Variants in GRIA4 observed in about 807,000 individuals in gnomAD.
The protein encoded by GRIA4 is glutamate receptor 4.
In GRIA4, 34 loss-of-function variants were observed where a neutral mutation model predicts 104.0. The observed-to-expected ratio is 0.33, with a 90% CI of 0.25 to 0.44. The LOEUF is 0.44. GRIA4 is among the 20% of genes least tolerant of loss of function. The pLI, the probability that GRIA4 is intolerant of heterozygous loss-of-function variation, is 1.00. For synonymous variants in GRIA4, 386 were observed against 381.9 expected (o/e 1.01, Z -0.13); for missense variants, 750 against 1,096.5 (o/e 0.68, Z 4.46).
At chr11:105,748,048 C>A (rs2135678054) in intron 3 of GRIA4, among the ~76,000 whole-genome samples, 1 of 152,318 alleles carries the variant, frequency 6.6e-6, no homozygotes, top group South Asian at 2.1e-4. Flanking sequence ...GTTATTATTG[C>A]ATAACAAACC....
chr11:105,800,296 A>G lies in GRIA4; in HGVS notation c.487+47076A>G, dbSNP rs1235884065. Among the ~76,000 whole-genome samples, 3 of 152,128 alleles carry G rather than the reference A, an allele frequency of 2.0e-5. No individual in the cohort carries two copies. The East Asian group carries it at 5.8e-4, about 29-fold the overall frequency. On this transcript the variant is annotated intron_variant, in intron 4 of 16. Coordinates refer to ENST00000282499, the MANE Select transcript of GRIA4 (RefSeq NM_000829.4). ...GAAATCAAGAGAAATGACAAAGAGG[A>G]AGTTACACATAGCTTATGTAAATAT...
intron 13 of GRIA4, 67 bp downstream of exon 13, chr11:105,927,006 A>C: frequency 1.0e-6 from 1 of 991,802 alleles, no homozygotes; most frequent in Non-Finnish European, 1.6e-6. Context: ...TTTTCCAACA[A>C]TTATACCATG....
At position 105,739,575 on chromosome 11, in the gene GRIA4, C is replaced by A. The variant is rs528208050; in HGVS notation, c.248-13406C>A. On this transcript the variant is annotated intron_variant, in intron 3 of 16. Transcript: ENST00000282499. ...TAACTTTATGTACTGTAGCTAACCA[C>A]TATTCAGAATTCTAAGAAAATTAGC... 3.0e-3 allele frequency among the ~76,000 whole-genome samples: 458 copies of A among 152,240 alleles called. 7 individuals carry two copies. The highest frequency in any genetic ancestry group is 0.011 in the African/African-American group (449 of 41,550).
chr11:105,777,887 T>C (rs545389206), intron 4 of GRIA4, among the ~76,000 whole-genome samples: 2 of 152,204 alleles, frequency 1.3e-5, no homozygotes, highest in African/African-American at 2.4e-5. Flanking sequence ...TGTTCAAGAA[T>C]GCAGAGACCT....
In GRIA4 at chr11:105,837,393, C is replaced by A. The variant is rs1384888685; in HGVS notation, c.488-24631C>A. On this transcript the variant is annotated intron_variant, in intron 4 of 16. Transcript: ENST00000282499. ...GAGTCTTTACATGCTGGATCCAAGA[C>A]CACAGCTGGAGTCAATGACATTGGA... Among the ~76,000 whole-genome samples the A allele has an allele frequency of 3.3e-5, 5 of 152,240 alleles. No homozygotes were observed. The East Asian group carries it at 9.7e-4, about 30-fold the overall frequency.
chr11:105,715,265 C>T (rs1313587338), intron 3 of GRIA4, among the ~76,000 whole-genome samples: 8 of 152,112 alleles, frequency 5.3e-5, no homozygotes, highest in South Asian at 4.1e-4. Flanking sequence ...GCTGAAGGCA[C>T]GTTGTTGAGG....
intron 3 of GRIA4, among the ~76,000 whole-genome samples, chr11:105,680,870 C>G (rs1565459175): frequency 6.6e-6 from 1 of 152,146 alleles, no homozygotes; most frequent in Non-Finnish European, 1.5e-5. Flanking sequence ...AACTCACCTC[C>G]TTGCAAGCAG....
At position 105,887,546 on chromosome 11, in the gene GRIA4, G is replaced by C. The variant is rs1233012995; in HGVS notation, c.700G>C (p.Gly234Arg). The C allele has an allele frequency of 6.9e-7, 1 of 1,459,262 alleles. No homozygotes were observed. 90.4% of individuals were successfully genotyped at this position (1,459,262 alleles called of 1,614,324 possible). ...TGTAAGTGTTGGAAAGCATGTTAAAGGCTACCATTATATCATTGCAAACTT... is the reference window on the plus strand; with the variant it reads ...TGTAAGTGTTGGAAAGCATGTTAAACGCTACCATTATATCATTGCAAACTT... The part of the protein sequence containing the change: ...QIVSVGKHVK[G>R]YHYIIANLGF... Residue 234 changes from glycine to arginine, a missense_variant, in exon 6 of 17, where the codon GGC (glycine) becomes CGC (arginine). Gly to Arg is a moderately radical substitution (Grantham distance 125). Coordinates refer to ENST00000282499, the MANE Select transcript of GRIA4 (RefSeq NM_000829.4).
chr11:105,636,274 T>C (rs183272203), intron 3 of GRIA4, among the ~76,000 whole-genome samples: 60 of 152,298 alleles, frequency 3.9e-4, no homozygotes, highest in South Asian at 8.3e-4. Context: ...TTTAAGGCAA[T>C]GGGGAATCAA....
intron 4 of GRIA4, among the ~76,000 whole-genome samples, chr11:105,833,430 A>G (rs917421230): frequency 6.6e-6 from 1 of 152,044 alleles, no homozygotes; most frequent in Non-Finnish European, 1.5e-5. Flanking sequence ...ATAATGGAAG[A>G]TCTATAGATG....
chr11:105,829,743 C>T (rs1943905384), intron 4 of GRIA4, among the ~76,000 whole-genome samples: 1 of 151,810 alleles, frequency 6.6e-6, no homozygotes, highest in Non-Finnish European at 1.5e-5. Flanking sequence ...GGACTGGTTC[C>T]ACTTTCTGTA....
Position 105,624,296 on chromosome 11 carries a change from C to T in GRIA4, c.247+11862C>T, listed in dbSNP as rs559610281. 3.5e-4 allele frequency among the ~76,000 whole-genome samples: 53 copies of T among 152,150 alleles called. No individual in the cohort carries two copies. The South Asian group carries it at 6.2e-3, about 18-fold the overall frequency. ...TCTAGGTGCATATAACATTTAGTGT[C>T]TGCTGACAAAAGAAATTCAAAATGC... On this transcript the variant is annotated intron_variant, in intron 3 of 16. Transcript: ENST00000282499.
intron 2 of GRIA4, among the ~76,000 whole-genome samples, chr11:105,611,408 C>T (rs7948845): frequency 0.98 from 149,619 of 152,110 alleles, 73,623 homozygotes; most frequent in Non-Finnish European, 1. Flanking sequence ...ATATTTATTT[C>T]CATCCCTTTC....
intron 3 of GRIA4, among the ~76,000 whole-genome samples, chr11:105,701,402 T>G (rs1953485798): frequency 6.6e-6 from 1 of 152,190 alleles, no homozygotes. Flanking sequence ...TACATCTACT[T>G]GGAAGTTACT....
At chr11:105,837,100 A>G (rs1267727064) in intron 4 of GRIA4, among the ~76,000 whole-genome samples, 8 of 152,062 alleles carry the variant, frequency 5.3e-5, no homozygotes, top group Non-Finnish European at 1.2e-4. Flanking sequence ...GCATTCGTGA[A>G]GGAGGAACTG....
At position 105,680,674 on chromosome 11, in the gene GRIA4, G is replaced by C. The variant is rs1452044019; in HGVS notation, c.247+68240G>C. On this transcript the variant is annotated intron_variant, in intron 3 of 16. Coordinates refer to ENST00000282499, the MANE Select transcript of GRIA4 (RefSeq NM_000829.4). ...TTTTAAAAAAATATATCTTCAAAAT[G>C]GAGGTTAAGAAGTGACTCAATTTCT... Among the ~76,000 whole-genome samples the C allele has an allele frequency of 2.0e-5, 3 of 152,192 alleles. No homozygotes were observed. In the South Asian group the frequency reaches 6.2e-4, roughly 32 times the overall value.
At chr11:105,670,219 T>C (rs1452141482) in intron 3 of GRIA4, among the ~76,000 whole-genome samples, 2 of 152,270 alleles carry the variant, frequency 1.3e-5, no homozygotes, top group East Asian at 3.9e-4. Flanking sequence ...AAGGAGAGCA[T>C]ATACAGTACA....
At chr11:105,927,078 T>G (rs534114956) in intron 13 of GRIA4, 139 bp downstream of exon 13, 15 of 619,788 alleles carry the variant, frequency 2.4e-5, no homozygotes, top group African/African-American at 1.5e-4. Flanking sequence ...GGCTAGTACT[T>G]CTAACTGGAT....
At chr11:105,629,465 G>A (rs1478018434) in intron 3 of GRIA4, among the ~76,000 whole-genome samples, 1 of 151,836 alleles carries the variant, frequency 6.6e-6, no homozygotes, top group Admixed American at 6.6e-5. Context: ...AGATAATGGT[G>A]AGGGAAAAAG....
Sources: allele counts gnomAD v4.1 joint callset (sites outside exome capture counted in the v4.1 genomes callset), GRCh38; gene constraint gnomAD v4.1.1; transcripts MANE v1.5; gene names NCBI Gene and HGNC (gene_info 2026-07-23, HGNC 2026-07-21).